Variants in PEMT observed in about 807,000 individuals in gnomAD.
PEMT encodes the protein phospholipid methyltransferase.
Under a neutral mutation model 27.4 loss-of-function variants are expected in PEMT, and 23 were observed. The ratio of observed to expected loss-of-function variants is 0.84; its 90% confidence interval spans 0.60 to 1.19. The LOEUF (loss-of-function observed/expected upper bound fraction) is 1.19. Among genes scored for constraint, PEMT ranks in the 50% most tolerant of loss-of-function variants. PEMT has a pLI of 0.00. For synonymous variants in PEMT, 137 were observed against 139.1 expected, an observed-to-expected ratio of 0.98 and a Z score of 0.11; for missense variants, 307 against 310.1, an observed-to-expected ratio of 0.99 and a Z score of 0.07.
rs188585365 is a variant in PEMT, at chr17:17,588,354, G to A, written c.96+3177C>T. Reference sequence around the variant, plus strand: ...CCCTGAAAGGCAGTCAAGATACCCCGCATCGGCCATCGGAGCTTTGCCTCC... The same window carrying A: ...CCCTGAAAGGCAGTCAAGATACCCCACATCGGCCATCGGAGCTTTGCCTCC... On this transcript the variant is annotated intron_variant, in intron 1 of 6. Coordinates refer to ENST00000255389, the MANE Select transcript of PEMT (RefSeq NM_148172.3). Among the ~76,000 whole-genome samples the A allele has an allele frequency of 1.6e-3, 249 of 152,236 alleles. 1 individual carries two copies. Among genetic ancestry groups the A allele is most frequent in the African/African-American group, 5.8e-3 (240 of 41,552 alleles).
At chr17:17,546,175 G>A (rs934940020) in intron 2 of PEMT, among the ~76,000 whole-genome samples, 2 of 152,214 alleles carry the variant, frequency 1.3e-5, no homozygotes, top group African/African-American at 4.8e-5. Flanking sequence ...CAGTGGCCTG[G>A]GCTAGAAGGC....
chr17:17,541,775 A>G (rs981077236), intron 2 of PEMT, among the ~76,000 whole-genome samples: 1 of 152,234 alleles, frequency 6.6e-6, no homozygotes, highest in Non-Finnish European at 1.5e-5. Context: ...TGCAGCCAGC[A>G]CAGCTGTGGC....
chr17:17,551,524 G>A (rs201882670), intron 2 of PEMT, among the ~76,000 whole-genome samples: 94 of 152,326 alleles, frequency 6.2e-4, no homozygotes, highest in Admixed American at 3.0e-3. Context: ...ACAAGCTGGC[G>A]TGGGAGTGGT....
intron 2 of PEMT, among the ~76,000 whole-genome samples, chr17:17,557,439 C>A (rs1344027972): frequency 6.6e-6 from 1 of 152,200 alleles, no homozygotes; most frequent in Non-Finnish European, 1.5e-5. Context: ...CGCAGAAAGT[C>A]TTGGAGGAGG....
At chr17:17,515,902 T>C (rs927122672) in intron 3 of PEMT, among the ~76,000 whole-genome samples, 2 of 152,220 alleles carry the variant, frequency 1.3e-5, no homozygotes, top group African/African-American at 4.8e-5. Flanking sequence ...GATTTGAGGC[T>C]GTCTGCACTC....
At chr17:17,562,365 C>T (rs931527705) in intron 2 of PEMT, among the ~76,000 whole-genome samples, 1 of 152,188 alleles carries the variant, frequency 6.6e-6, no homozygotes, top group Admixed American at 6.5e-5. Flanking sequence ...TGAGGCTGAC[C>T]ACCGTGACAG....
At chr17:17,528,296 C>T (rs1314817682) in intron 2 of PEMT, among the ~76,000 whole-genome samples, 1 of 152,208 alleles carries the variant, frequency 6.6e-6, no homozygotes, top group Non-Finnish European at 1.5e-5. Flanking sequence ...CCCCAGGAGC[C>T]GCAGCCAGTG....
chr17:17,579,533 C>A (rs1486590387), intron 1 of PEMT, among the ~76,000 whole-genome samples: 1 of 152,176 alleles, frequency 6.6e-6, no homozygotes, highest in East Asian at 1.9e-4. Context: ...CAAAAATTAG[C>A]TGGGCGTGGT....
At chr17:17,528,223 G>A (rs182484294) in intron 2 of PEMT, among the ~76,000 whole-genome samples, 10 of 152,174 alleles carry the variant, frequency 6.6e-5, no homozygotes, top group Admixed American at 2.0e-4. Context: ...CTCCCGAACC[G>A]CCCCCATCTC....
intron 1 of PEMT, among the ~76,000 whole-genome samples, chr17:17,583,965 T>G (rs1912108247): frequency 3.9e-5 from 6 of 152,084 alleles, no homozygotes; most frequent in Admixed American, 3.9e-4. Flanking sequence ...TTCAGGAGGG[T>G]GAAATGTCAT....
chr17:17,527,047 T>C (rs1314781626), intron 2 of PEMT, among the ~76,000 whole-genome samples: 1 of 152,150 alleles, frequency 6.6e-6, no homozygotes, highest in Non-Finnish European at 1.5e-5. Context: ...TATTTTTGTT[T>C]ATGTTTTTAG....
chr17:17,586,324 C>G (rs1490763544), intron 1 of PEMT, among the ~76,000 whole-genome samples: 4 of 150,006 alleles, frequency 2.7e-5, no homozygotes, highest in Admixed American at 2.7e-4. Flanking sequence ...CGGGAGGACG[C>G]AGCTGACCTG....
At chr17:17,571,860 T>C (rs1321199177) in intron 2 of PEMT, among the ~76,000 whole-genome samples, 5 of 152,034 alleles carry the variant, frequency 3.3e-5, no homozygotes, top group Admixed American at 3.3e-4. Context: ...CCACCACACC[T>C]GGCTAAATTT....
At chr17:17,580,609 C>T (rs757851220) in intron 1 of PEMT, among the ~76,000 whole-genome samples, 33 of 152,184 alleles carry the variant, frequency 2.2e-4, no homozygotes, top group Admixed American at 5.2e-4. Flanking sequence ...TTACGAAGTG[C>T]ACCAAGAGTG....
intron 2 of PEMT, among the ~76,000 whole-genome samples, chr17:17,571,508 C>T (rs1911190575): frequency 6.6e-6 from 1 of 151,978 alleles, no homozygotes; most frequent in Non-Finnish European, 1.5e-5. Context: ...AGGTGGCTCA[C>T]CTAGGAAGCC....
chr17:17,548,292 G>A (rs1007682025), intron 2 of PEMT, among the ~76,000 whole-genome samples: 18 of 152,252 alleles, frequency 1.2e-4, no homozygotes, highest in Non-Finnish European at 2.5e-4. Flanking sequence ...GGGCCAAGCC[G>A]TGCTGCCCCT....
At chr17:17,591,444 A>G in intron 1 of PEMT, 87 bp downstream of exon 1, 1 of 954,254 alleles carries the variant, frequency 1.0e-6, no homozygotes, top group Non-Finnish European at 1.5e-6. Flanking sequence ...CCCGCCCCGC[A>G]GCGTTTGAGG....
chr17:17,586,138 GAGAA>G lies in PEMT; in HGVS notation c.96+5389_96+5392del, dbSNP rs372651514. Among the ~76,000 whole-genome samples the G allele has an allele frequency of 5.6e-4, 65 of 117,064 alleles. 1 individual carries two copies. Among genetic ancestry groups the G allele is most frequent in the African/African-American group, 1.7e-3 (52 of 30,818 alleles). 76.8% of individuals were successfully genotyped at this position (117,064 alleles called of 152,430 possible). A position where few individuals can be genotyped will look rare whatever the true frequency, so the allele number is the denominator to read the frequency against. The stretch of plus-strand genomic sequence containing the variant: ...TGAGACCCATTAAAAAAAATCTAAT[GAGAA>G]AGAAAGAAAGAAAAAGAAAGAGAAA... On this transcript the variant is annotated intron_variant, in intron 1 of 6. Transcript: ENST00000255389.
chr17:17,522,450 G>C (rs1907350207), intron 2 of PEMT, 55 bp from the exon 3 acceptor site: 2 of 1,077,484 alleles, frequency 1.9e-6, no homozygotes, highest in South Asian at 1.3e-5. Context: ...ACTCCAGGGT[G>C]GGGGTGGGGA....
Sources: gnomAD v4.1 joint callset for allele counts (sites outside exome capture counted in the v4.1 genomes callset) on GRCh38, gnomAD v4.1.1 for gene constraint, MANE v1.5 for transcripts, NCBI Gene and HGNC (gene_info 2026-07-23, HGNC 2026-07-21) for gene names.